LHX4: variants seen among roughly 807,000 people sequenced by gnomAD.
LHX4 encodes LIM/homeobox protein Lhx4.
In LHX4, 16 loss-of-function variants were observed where a neutral mutation model predicts 39.2. That is an observed-to-expected ratio of 0.41 (90% confidence interval 0.28 to 0.62). LHX4 has a LOEUF of 0.62. Ranked by LOEUF, LHX4 falls within the 20% of genes least tolerant of loss-of-function variation. The probability of loss-of-function intolerance (pLI) is 0.33; values close to 1 mark genes in which losing one functional copy is unlikely to be tolerated. For synonymous variants in LHX4, 206 were observed against 198.1 expected, an observed-to-expected ratio of 1.04 and a Z score of -0.33; for missense variants, 439 against 511.9, an observed-to-expected ratio of 0.86 and a Z score of 1.37.
At chr1:180,229,848 G>A (rs1299001790), upstream of LHX4, among the ~76,000 whole-genome samples, 3 of 151,406 alleles carry the variant, frequency 2.0e-5, no homozygotes, top group Admixed American at 6.6e-5. Context: ...ACGAAGACCC[G>A]CAAACCCAGG....
intron 2 of LHX4, chr1:180,248,701 A>T: frequency 1.8e-6 from 1 of 557,376 alleles, no homozygotes; most frequent in Non-Finnish European, 3.2e-6. Context: ...GTGAGGAGCC[A>T]GAGGCCTTGG....
chr1:180,240,582 A>G (rs1383793677), intron 1 of LHX4, among the ~76,000 whole-genome samples: 1 of 152,184 alleles, frequency 6.6e-6, no homozygotes, highest in East Asian at 1.9e-4. Flanking sequence ...AATAATTAAA[A>G]TCGATCAAAC....
chr1:180,238,781 G>A (rs1664384871), intron 1 of LHX4, among the ~76,000 whole-genome samples: 2 of 152,108 alleles, frequency 1.3e-5, no homozygotes, highest in Non-Finnish European at 1.5e-5. Flanking sequence ...ATATAAAAAC[G>A]AGAACTATAA....
chr1:180,235,348 T>C (rs1331702902), intron 1 of LHX4, among the ~76,000 whole-genome samples: 1 of 152,242 alleles, frequency 6.6e-6, no homozygotes, highest in Non-Finnish European at 1.5e-5. Context: ...GCAGGGACTT[T>C]TCCAGCAAGG....
chr1:180,251,187 C>T (rs142427782), intron 2 of LHX4, among the ~76,000 whole-genome samples: 8 of 152,340 alleles, frequency 5.3e-5, no homozygotes, highest in Non-Finnish European at 7.3e-5. Flanking sequence ...GAGGCACTGG[C>T]GCATCAGAGC....
intron 2 of LHX4, among the ~76,000 whole-genome samples, chr1:180,251,146 C>T (rs1294547922): frequency 6.6e-6 from 1 of 152,240 alleles, no homozygotes; most frequent in Non-Finnish European, 1.5e-5. Context: ...CAGGGCCTGC[C>T]CCTTCCCTGA....
At chr1:180,268,935 C>A (rs968552556) in intron 3 of LHX4, among the ~76,000 whole-genome samples, 6 of 152,154 alleles carry the variant, frequency 3.9e-5, no homozygotes, top group Non-Finnish European at 8.8e-5. Context: ...AGTTCCCTCC[C>A]ATTAGCTAAA....
chr1:180,230,967 G>A lies in LHX4; in HGVS notation c.76+362G>A, dbSNP rs924307619. On this transcript the variant is annotated intron_variant, in intron 1 of 5. Transcript: ENST00000263726. This position sits in a 1 kb window ranked among gnomAD's most constrained non-coding sequence, Gnocchi z 5.8. ...TGGTCCCCACAAATCTTCTTTCGCC[G>A]GCGTGACGGTCAGCGCTTGCAGGAC... Among the ~76,000 whole-genome samples the A allele has an allele frequency of 5.9e-5, 9 of 152,240 alleles. No homozygotes were observed. The highest frequency in any genetic ancestry group is 2.6e-4 in the Admixed American group (4 of 15,296).
intron 1 of LHX4, among the ~76,000 whole-genome samples, chr1:180,237,109 C>T (rs1185666804): frequency 1.3e-5 from 2 of 152,112 alleles, no homozygotes; most frequent in Non-Finnish European, 2.9e-5. Context: ...TCTCCTTCCC[C>T]TGTTCCCCCA....
At position 180,266,323 on chromosome 1, in the gene LHX4, C is replaced by G; in HGVS notation, c.249-69C>G. The G allele has an allele frequency of 1.3e-6, 2 of 1,522,196 alleles. No individual in the cohort carries two copies. The highest frequency in any genetic ancestry group is 2.2e-5 in the South Asian group (2 of 89,012). 94.3% of individuals were successfully genotyped at this position (1,522,196 alleles called of 1,614,324 possible). A position where few individuals can be genotyped will look rare whatever the true frequency, so the allele number is the denominator to read the frequency against. ...GTGGTGGGGTAGGAGGGAGGCTGCTCCAGGAAGTTGGGGGAAGCCAGATCC... is the reference window on the plus strand; with the variant it reads ...GTGGTGGGGTAGGAGGGAGGCTGCTGCAGGAAGTTGGGGGAAGCCAGATCC... On this transcript the variant is annotated intron_variant, in intron 2 of 5. Transcript: ENST00000263726. The surrounding 1 kb of genome is among the most constrained non-coding windows in gnomAD (Gnocchi z 5.7).
chr1:180,268,946 C>T (rs139368545), intron 3 of LHX4, among the ~76,000 whole-genome samples: 77 of 152,318 alleles, frequency 5.1e-4, no homozygotes, highest in African/African-American at 1.8e-3. Flanking sequence ...ATTAGCTAAA[C>T]AAAGGATCTC....
In LHX4 at chr1:180,276,633, G is replaced by C. The variant is rs1488629093; in HGVS notation, c.*2054G>C. 2 of 152,222 alleles carry C rather than the reference G, an allele frequency of 1.3e-5. No individual in the cohort carries two copies. The highest frequency in any genetic ancestry group is 2.9e-5 in the Non-Finnish European group (2 of 68,052). The allele number at this position is 152,222 out of a possible 1,614,324, so 9.4% of individuals were successfully genotyped here. A position where few individuals can be genotyped will look rare whatever the true frequency, so the allele number is the denominator to read the frequency against. ...GGAAAATGCAGTCGTCTTTTTGGAG[G>C]ATGGCTTTTTAAATACACCCTTCTT... On this transcript the variant is annotated 3_prime_UTR_variant, in exon 6 of 6. Coordinates refer to ENST00000263726, the MANE Select transcript of LHX4 (RefSeq NM_033343.4).
Position 180,278,380 on chromosome 1 carries a change from A to AGTT in LHX4, c.*3803_*3805dup, listed in dbSNP as rs1344135784. 3 of 152,098 alleles carry AGTT rather than the reference A, an allele frequency of 2.0e-5. No homozygotes were observed. Among genetic ancestry groups the AGTT allele is most frequent in the African/African-American group, 4.8e-5 (2 of 41,386 alleles). 9.4% of individuals were successfully genotyped at this position (152,098 alleles called of 1,614,324 possible). A position where few individuals can be genotyped will look rare whatever the true frequency, so the allele number is the denominator to read the frequency against. ...TTGGTCAATTGGCCCTTTTTGCAGT[A>AGTT]GTTGCTCCAACTGTTCTAAACAGTG... is the stretch of plus-strand genomic sequence containing the variant. On this transcript the variant is annotated 3_prime_UTR_variant, in exon 6 of 6. Transcript: ENST00000263726.
chr1:180,257,445 C>T (rs75291227), intron 2 of LHX4, among the ~76,000 whole-genome samples: 1,646 of 152,258 alleles, frequency 0.011, 22 homozygotes, highest in African/African-American at 0.037. Flanking sequence ...CCCCAGCCCC[C>T]GAGGCTCTAA....
intron 2 of LHX4, among the ~76,000 whole-genome samples, chr1:180,264,839 A>G (rs1648250336): frequency 6.6e-6 from 1 of 152,054 alleles, no homozygotes; most frequent in East Asian, 1.9e-4. Context: ...CCAAGCCACC[A>G]CCTCTCAGCC....
In LHX4 at chr1:180,271,112, C is replaced by A. The variant is rs1479904758; in HGVS notation, c.452-268C>A. On this transcript the variant is annotated intron_variant, in intron 3 of 5. Coordinates refer to ENST00000263726, the MANE Select transcript of LHX4 (RefSeq NM_033343.4). The stretch of plus-strand genomic sequence containing the variant: ...CATTCAATCTGATGAGACTTCTGTG[C>A]AGCTGGGCTGGCAGGGGAGGGTTGA... 7.5e-6 allele frequency: 4 copies of A among 535,804 alleles called. No homozygotes were observed. In the Admixed American group the frequency reaches 1.2e-4, roughly 16 times the overall value. 33.2% of individuals were successfully genotyped at this position (535,804 alleles called of 1,614,324 possible). A position where few individuals can be genotyped will look rare whatever the true frequency, so the allele number is the denominator to read the frequency against.
At chr1:180,230,249 A>C, upstream of LHX4, 2 of 494,852 alleles carry the variant, frequency 4.0e-6, no homozygotes, top group Non-Finnish European at 3.7e-6. This position sits in a 1 kb window ranked among gnomAD's most constrained non-coding sequence, Gnocchi z 5.8. Context: ...CGGGGGAGGG[A>C]AGAGGAAAAA....
At chr1:180,271,315 G>C (rs538820952) in intron 3 of LHX4, 65 bp from the exon 4 acceptor site, 1 of 1,569,314 alleles carries the variant, frequency 6.4e-7, no homozygotes, top group African/African-American at 1.3e-5. Context: ...GGAAGGGAGG[G>C]TGTGGGAGGA....
In LHX4 at chr1:180,248,300, C is replaced by T; in HGVS notation, c.92C>T (p.Ala31Val). Residue 31 changes from alanine to valine, a missense_variant, in exon 2 of 6, where the codon GCT becomes GTT. Transcript: ENST00000263726. Reference protein sequence around the residue: ...GVPMQQIPQCAGCNQHILDKF... With the variant: ...GVPMQQIPQCVGCNQHILDKF... ...TTCCTCACAGAGATTCCCCAGTGCG[C>T]TGGCTGCAACCAGCACATCCTGGAC... The T allele has an allele frequency of 1.2e-6, 2 of 1,614,164 alleles. No homozygotes were observed. Among genetic ancestry groups the T allele is most frequent in the South Asian group, 1.1e-5 (1 of 91,072 alleles).
Sources: allele counts gnomAD v4.1 joint callset (sites outside exome capture counted in the v4.1 genomes callset), GRCh38; gene constraint gnomAD v4.1.1; non-coding constraint Gnocchi (gnomAD v3.1); transcripts MANE v1.5; gene names NCBI Gene and HGNC (gene_info 2026-07-23, HGNC 2026-07-21).